GPC6: variants seen among roughly 807,000 people sequenced by gnomAD.
The protein encoded by GPC6 is glypican 6.
GPC6 carries 14 observed loss-of-function variants against 55.2 expected under a neutral mutation model. The observed-to-expected ratio is 0.25, with a 90% CI of 0.17 to 0.40. The LOEUF is 0.40. Among genes scored for constraint, GPC6 ranks in the 10% least tolerant of loss-of-function variants. The pLI is 1.00. For synonymous variants in GPC6, 278 were observed against 259.6 expected, an observed-to-expected ratio of 1.07 and a Z score of -0.68; for missense variants, 641 against 708.5, an observed-to-expected ratio of 0.90 and a Z score of 1.08.
intron 1 of GPC6, among the ~76,000 whole-genome samples, chr13:93,503,825 G>C (rs1453242864): frequency 6.6e-6 from 1 of 152,138 alleles, no homozygotes; most frequent in East Asian, 1.9e-4. Context: ...TTTTAAAATA[G>C]AACCAGTTAC....
chr13:93,812,976 T>C (rs1261023558), intron 2 of GPC6, among the ~76,000 whole-genome samples: 6 of 152,198 alleles, frequency 3.9e-5, no homozygotes, highest in Admixed American at 2.0e-4. Context: ...ATTCCACTTA[T>C]GTTGTGATAT....
At chr13:93,868,525 C>T (rs1243664991) in intron 3 of GPC6, among the ~76,000 whole-genome samples, 2 of 151,742 alleles carry the variant, frequency 1.3e-5, no homozygotes, top group Non-Finnish European at 2.9e-5. Context: ...CCTCTCCTCA[C>T]GAGTGATATT....
intron 2 of GPC6, among the ~76,000 whole-genome samples, chr13:93,635,352 C>T (rs1289140116): frequency 6.6e-6 from 1 of 152,104 alleles, no homozygotes. Context: ...AGAAATTTGT[C>T]ATGAAATATT....
intron 1 of GPC6, among the ~76,000 whole-genome samples, chr13:93,430,410 G>T (rs1188319592): frequency 1.3e-5 from 2 of 152,066 alleles, no homozygotes; most frequent in African/African-American, 2.4e-5. Flanking sequence ...GGTTACGAAG[G>T]TATCATTTTG....
chr13:94,045,331 C>T (rs1594691815), intron 4 of GPC6, among the ~76,000 whole-genome samples: 1 of 152,006 alleles, frequency 6.6e-6, no homozygotes, highest in Admixed American at 6.6e-5. Flanking sequence ...ATTAAATTCA[C>T]ATACCAAATG....
chr13:93,405,047 TC>T (rs1384225066), intron 1 of GPC6, among the ~76,000 whole-genome samples: 1 of 152,202 alleles, frequency 6.6e-6, no homozygotes, highest in African/African-American at 2.4e-5. Context: ...GTATGATTAT[TC>T]TTTTTTAATC....
intron 1 of GPC6, among the ~76,000 whole-genome samples, chr13:93,322,890 C>A (rs1879507582): frequency 6.6e-6 from 1 of 152,036 alleles, no homozygotes; most frequent in African/African-American, 2.4e-5. Context: ...CTGCACCCAT[C>A]AACCCCGTCA....
chr13:93,374,959 T>C (rs1411030085), intron 1 of GPC6, among the ~76,000 whole-genome samples: 1 of 152,172 alleles, frequency 6.6e-6, no homozygotes, highest in African/African-American at 2.4e-5. Flanking sequence ...TTATCTCTAA[T>C]CATCCTGTTT....
chr13:93,570,689 T>C (rs1876359242), intron 2 of GPC6, among the ~76,000 whole-genome samples: 1 of 152,114 alleles, frequency 6.6e-6, no homozygotes, highest in Admixed American at 6.6e-5. Flanking sequence ...CAAAGAACTT[T>C]TTCACACAGT....
At chr13:94,311,846 C>T (rs903370888) in intron 6 of GPC6, among the ~76,000 whole-genome samples, 1 of 152,038 alleles carries the variant, frequency 6.6e-6, no homozygotes, top group Non-Finnish European at 1.5e-5. Flanking sequence ...GGGCTCCTGA[C>T]ACTAAGAGGG....
chr13:93,843,001 A>C (rs1458516882), intron 3 of GPC6, among the ~76,000 whole-genome samples: 1 of 151,840 alleles, frequency 6.6e-6, no homozygotes, highest in African/African-American at 2.4e-5. Flanking sequence ...ATATTGCAAA[A>C]TTATGTGTGC....
In GPC6 at chr13:93,891,914, T is replaced by C. The variant is rs575966712; in HGVS notation, c.711+61369T>C. ...TGTGTATAGTGTGTGTATGGGTGTATGTATAGAGTGTGAGTATATAGTGTA... is the reference window on the plus strand; with the variant it reads ...TGTGTATAGTGTGTGTATGGGTGTACGTATAGAGTGTGAGTATATAGTGTA... On this transcript the variant is annotated intron_variant, in intron 3 of 8. Coordinates refer to ENST00000377047, the MANE Select transcript of GPC6 (RefSeq NM_005708.5). Among the ~76,000 whole-genome samples the C allele has an allele frequency of 2.0e-3, 297 of 151,888 alleles. 2 individuals are homozygous for C. The highest frequency in any genetic ancestry group is 6.7e-3 in the African/African-American group (276 of 41,416).
At chr13:94,281,694 G>T (rs924817670) in intron 4 of GPC6, among the ~76,000 whole-genome samples, 1 of 152,100 alleles carries the variant, frequency 6.6e-6, no homozygotes, top group African/African-American at 2.4e-5. Flanking sequence ...AGCAGATAAT[G>T]GCTAGCTCCC....
rs768979281 is a variant in GPC6, at chr13:93,914,051, T to TG, written c.711+83506_711+83507insG. Among the ~76,000 whole-genome samples, 72 of 152,344 alleles carry TG rather than the reference T, an allele frequency of 4.7e-4. 1 individual carries two copies. Among genetic ancestry groups the TG allele is most frequent in the Middle Eastern group, 6.8e-3 (2 of 294 alleles). On this transcript the variant is annotated intron_variant, in intron 3 of 8. Transcript: ENST00000377047. ...TGATCTATACCTTTAGTAAAATTTGTATCCTTTCTCATAAGCTCCTTTTTT... is the reference window on the plus strand; with the variant it reads ...TGATCTATACCTTTAGTAAAATTTGTGATCCTTTCTCATAAGCTCCTTTTTT...
chr13:93,567,414 A>G (rs1356079597), intron 2 of GPC6, among the ~76,000 whole-genome samples: 1 of 152,108 alleles, frequency 6.6e-6, no homozygotes, highest in Non-Finnish European at 1.5e-5. Context: ...TTTTAAATAC[A>G]TTTGGCCCCT....
intron 4 of GPC6, among the ~76,000 whole-genome samples, chr13:94,227,213 A>C (rs1022863337): frequency 4.6e-5 from 7 of 152,220 alleles, no homozygotes; most frequent in African/African-American, 1.4e-4. Context: ...ATTTCATGAG[A>C]AAGTCCTTTC....
At chr13:93,325,864 ACT>A (rs1879634978) in intron 1 of GPC6, among the ~76,000 whole-genome samples, 1 of 151,910 alleles carries the variant, frequency 6.6e-6, no homozygotes, top group Non-Finnish European at 1.5e-5. Flanking sequence ...TAATGAGGAG[ACT>A]CTGGCAGTGT....
chr13:93,820,093 A>G (rs933094331), intron 2 of GPC6, among the ~76,000 whole-genome samples: 1 of 152,204 alleles, frequency 6.6e-6, no homozygotes, highest in Admixed American at 6.5e-5. Flanking sequence ...CTGTAGTGGA[A>G]TTAAATTGAA....
At chr13:93,642,789 A>G (rs757223162) in intron 2 of GPC6, among the ~76,000 whole-genome samples, 4 of 152,064 alleles carry the variant, frequency 2.6e-5, no homozygotes, top group Non-Finnish European at 5.9e-5. Context: ...ATGAAGCATA[A>G]TTTACTAGGA....
Sources: allele counts gnomAD v4.1 joint callset (sites outside exome capture counted in the v4.1 genomes callset), GRCh38; gene constraint gnomAD v4.1.1; transcripts MANE v1.5; gene names NCBI Gene and HGNC (gene_info 2026-07-23, HGNC 2026-07-21).